Variants in FOXP2 observed in about 807,000 individuals in gnomAD.
The protein encoded by FOXP2 is forkhead box P2, also known as forkhead box protein P2.
In FOXP2, 12 loss-of-function variants were observed where a neutral mutation model predicts 115.8. The ratio of observed to expected loss-of-function variants is 0.10; its 90% CI spans 0.07 to 0.17. The LOEUF (loss-of-function observed/expected upper bound fraction) is 0.17. Ranked by LOEUF, FOXP2 falls within the 10% of genes least tolerant of loss-of-function variation. The probability of loss-of-function intolerance (pLI) is 1.00; values close to 1 mark genes in which losing one functional copy is unlikely to be tolerated. For synonymous variants in FOXP2, 328 were observed against 297.7 expected (o/e 1.10, Z -1.05); for missense variants, 629 against 843.5 (o/e 0.75, Z 3.15).
chr7:114,382,380 C>T (rs940779994), intron 2 of FOXP2, among the ~76,000 whole-genome samples: 2 of 152,166 alleles, frequency 1.3e-5, no homozygotes, highest in African/African-American at 4.8e-5. Flanking sequence ...ACTCAGAGGA[C>T]CTTCATCCCC....
At chr7:114,093,161 T>G (rs1318172201) in intron 1 of FOXP2, among the ~76,000 whole-genome samples, 1 of 152,146 alleles carries the variant, frequency 6.6e-6, no homozygotes, top group Non-Finnish European at 1.5e-5. Context: ...TCATTTGGCC[T>G]ACTGTGGACA....
At chr7:114,381,166 G>A (rs1792282322) in intron 2 of FOXP2, among the ~76,000 whole-genome samples, 1 of 152,216 alleles carries the variant, frequency 6.6e-6, no homozygotes, top group African/African-American at 2.4e-5. Context: ...CTTCTTAGTT[G>A]CTTTAGGGTT....
At chr7:114,430,015 C>T (rs530564452) in intron 2 of FOXP2, among the ~76,000 whole-genome samples, 1 of 151,706 alleles carries the variant, frequency 6.6e-6, no homozygotes, top group African/African-American at 2.4e-5. Context: ...AAATAAATAG[C>T]CATGCTAACT....
At chr7:114,390,372 A>G (rs2129194110) in intron 2 of FOXP2, among the ~76,000 whole-genome samples, 1 of 152,240 alleles carries the variant, frequency 6.6e-6, no homozygotes, top group Middle Eastern at 3.4e-3. Flanking sequence ...TGTTTATGAG[A>G]AATTACTGAA....
At chr7:114,470,842 AG>A (rs1342534228) in intron 2 of FOXP2, among the ~76,000 whole-genome samples, 1 of 151,572 alleles carries the variant, frequency 6.6e-6, no homozygotes, top group Non-Finnish European at 1.5e-5. Flanking sequence ...GGGAAGGGGA[AG>A]GGGGAGAGCA....
rs1458712914 is a variant in FOXP2 at position 114,542,802 on chromosome 7, T to G, written c.258+8096T>G. ...TTTTGTTTTTGTTTTTTGTTTTTTTTTTTTTTGAGGCAGAATCTCACTCTG... is the reference window on the plus strand; with the variant it reads ...TTTTGTTTTTGTTTTTTGTTTTTTTGTTTTTTGAGGCAGAATCTCACTCTG... On this transcript the variant is annotated intron_variant, in intron 3 of 16. Transcript: ENST00000350908. 2.6e-5 allele frequency among the ~76,000 whole-genome samples: 4 copies of G among 151,568 alleles called. 1 individual carries two copies. The South Asian group carries it at 6.3e-4, about 24-fold the overall frequency.
chr7:114,254,548 T>C (rs979672847), intron 1 of FOXP2, among the ~76,000 whole-genome samples: 1 of 152,228 alleles, frequency 6.6e-6, no homozygotes, highest in African/African-American at 2.4e-5. Flanking sequence ...TCATTTGATC[T>C]TCAATCACTG....
rs1562866739 is a variant in FOXP2, at chr7:114,313,767, A to AAT, written c.-11+25661_-11+25662dup. Among the ~76,000 whole-genome samples the AAT allele has an allele frequency of 1.1e-4, 17 of 151,188 alleles. 1 individual carries two copies. The highest frequency in any genetic ancestry group is 3.9e-4 in the African/African-American group (16 of 40,934). On this transcript the variant is annotated intron_variant, in intron 2 of 17. Transcript: ENST00000634411. ...CTCAAAAAAAAAAAAAAAAAACAAAAATATTGTCATTATTTGAAATTGTAT... is the reference window on the plus strand; with the variant it reads ...CTCAAAAAAAAAAAAAAAAAACAAAAATATATTGTCATTATTTGAAATTGTAT...
At chr7:114,420,658 T>C (rs1157631923) in intron 1 of FOXP2, among the ~76,000 whole-genome samples, 1 of 151,788 alleles carries the variant, frequency 6.6e-6, no homozygotes, top group Non-Finnish European at 1.5e-5. Context: ...AATATTACAT[T>C]TTGGCATTAT....
intron 2 of FOXP2, among the ~76,000 whole-genome samples, chr7:114,401,247 A>G (rs1452563786): frequency 1.3e-5 from 2 of 152,230 alleles, no homozygotes; most frequent in Admixed American, 6.5e-5. Flanking sequence ...ATCCAATAAT[A>G]TGGATAAATA....
At chr7:114,594,563 A>T (rs1802602481) in intron 3 of FOXP2, among the ~76,000 whole-genome samples, 1 of 152,048 alleles carries the variant, frequency 6.6e-6, no homozygotes, top group Non-Finnish European at 1.5e-5. Context: ...ATAAAAATGA[A>T]GTTTGCAAAA....
chr7:114,514,677 T>C (rs1798241430), intron 2 of FOXP2, among the ~76,000 whole-genome samples: 1 of 151,570 alleles, frequency 6.6e-6, no homozygotes, highest in Non-Finnish European at 1.5e-5. Flanking sequence ...CTTTTTTACA[T>C]TCAATTTATT....
At position 114,457,625 on chromosome 7, in the gene FOXP2, G is replaced by A. The variant is rs530134603; in HGVS notation, c.168+30946G>A. On this transcript the variant is annotated intron_variant, in intron 2 of 16. Coordinates refer to ENST00000350908, the MANE Select transcript of FOXP2 (RefSeq NM_014491.4). Reference sequence around the variant, plus strand: ...TAAAAATATATTCTCATGGCTGGGCGCAGTGGCTCACGCCTGTAATCCCAG... The same window carrying A: ...TAAAAATATATTCTCATGGCTGGGCACAGTGGCTCACGCCTGTAATCCCAG... Among the ~76,000 whole-genome samples, 11 of 152,082 alleles carry A rather than the reference G, an allele frequency of 7.2e-5. No individual in the cohort carries two copies. In the South Asian group the frequency reaches 1.0e-3, roughly 14 times the overall value.
intron 1 of FOXP2, among the ~76,000 whole-genome samples, chr7:114,172,360 A>G (rs944968200): frequency 2.0e-5 from 3 of 152,190 alleles, no homozygotes; most frequent in African/African-American, 4.8e-5. Context: ...GGCGAGAGAG[A>G]AATAAATAGG....
chr7:114,560,091 A>T (rs1003549408), intron 3 of FOXP2, among the ~76,000 whole-genome samples: 3 of 152,136 alleles, frequency 2.0e-5, no homozygotes, highest in African/African-American at 7.2e-5. Context: ...GTTATTTTAA[A>T]TTTAGAATCC....
At chr7:114,330,807 T>G (rs1348932452) in intron 2 of FOXP2, among the ~76,000 whole-genome samples, 1 of 152,132 alleles carries the variant, frequency 6.6e-6, no homozygotes, top group Non-Finnish European at 1.5e-5. Flanking sequence ...GTTTATAGTT[T>G]CGATGCCACA....
At chr7:114,182,470 A>G (rs1240135425) in intron 1 of FOXP2, among the ~76,000 whole-genome samples, 1 of 152,096 alleles carries the variant, frequency 6.6e-6, no homozygotes, top group Admixed American at 6.6e-5. Context: ...ATATCTGTGC[A>G]CCTCTATTTT....
intron 2 of FOXP2, among the ~76,000 whole-genome samples, chr7:114,526,185 A>AAAAAAAAAC (rs1798850390): frequency 6.7e-6 from 1 of 148,366 alleles, no homozygotes; most frequent in East Asian, 2.0e-4. Flanking sequence ...AAAAAAAAAA[A>AAAAAAAAAC]AAAAAAAAAA....
At chr7:114,654,105 T>G in intron 10 of FOXP2, 96 bp downstream of exon 10, 1 of 1,598,092 alleles carries the variant, frequency 6.3e-7, no homozygotes, top group Non-Finnish European at 8.5e-7. Flanking sequence ...ACAATGAGTG[T>G]GATGAAAAAT....
Sources: gnomAD v4.1 joint callset for allele counts (sites outside exome capture counted in the v4.1 genomes callset) on GRCh38, gnomAD v4.1.1 for gene constraint, MANE v1.5 for transcripts, NCBI Gene and HGNC (gene_info 2026-07-23, HGNC 2026-07-21) for gene names.